The following EML4 variants were observed in gnomAD, a reference collection of about 807,000 sequenced individuals.
EML4 encodes echinoderm microtubule-associated protein-like 4.
A neutral mutation model predicts 129.0 loss-of-function variants in EML4; 72 were observed. The observed-to-expected ratio is 0.56, with a 90% CI of 0.46 to 0.68. EML4 has a LOEUF of 0.68. EML4 is among the 30% of genes least tolerant of loss of function. The pLI is 0.00. For missense variants in EML4, 1,363 were observed against 1,190.6 expected (o/e 1.14, Z -2.13); for synonymous variants, 532 against 405.0 (o/e 1.31, Z -3.77).
Position 42,169,581 on chromosome 2 carries a change from T to TG in EML4, c.-31_-30insG. Reference sequence around the variant, plus strand: ...CCGCTGAATGAAGTGCCCGCCCCTCTAAGCCCGGAGCCCGGCGCTTTCCCC... The same window carrying TG: ...CCGCTGAATGAAGTGCCCGCCCCTCTGAAGCCCGGAGCCCGGCGCTTTCCCC... On this transcript the variant is annotated 5_prime_UTR_variant, in exon 1 of 23. An upstream open reading frame in the 5' UTR loses its in-frame stop. Transcript: ENST00000318522. 9 of 1,597,544 alleles carry TG rather than the reference T, an allele frequency of 5.6e-6. No homozygotes were observed. The highest frequency in any genetic ancestry group is 7.7e-6 in the Non-Finnish European group (9 of 1,174,556).
In EML4 at chr2:42,304,577, A is replaced by T. The variant is rs78136114; in HGVS notation, c.1967+26A>T. The T allele has an allele frequency of 5.1e-6, 8 of 1,557,274 alleles. No individual in the cohort carries two copies. In the East Asian group the frequency reaches 1.6e-4, roughly 31 times the overall value. On this transcript the variant is annotated intron_variant, in intron 17 of 22. Transcript: ENST00000318522. Reference sequence around the variant, plus strand: ...GTAGGGTCTTTAAGTGAACTGAGTAATCTGAAGTGGTGGGATGTTTAAATG... The same window carrying T: ...GTAGGGTCTTTAAGTGAACTGAGTATTCTGAAGTGGTGGGATGTTTAAATG...
chr2:42,328,825 T>C (rs1488375498), intron 21 of EML4, 61 bp from the exon 22 acceptor site: 11 of 1,337,088 alleles, frequency 8.2e-6, no homozygotes, highest in Non-Finnish European at 1.1e-5. Context: ...TAAACATATA[T>C]AGCATCACAG....
intron 1 of EML4, among the ~76,000 whole-genome samples, chr2:42,209,141 A>C (rs1672735351): frequency 6.6e-6 from 1 of 152,222 alleles, no homozygotes; most frequent in African/African-American, 2.4e-5. Context: ...AAAATCACTA[A>C]TATGATACTA....
rs533631893 is a variant in EML4 at position 42,286,700 on chromosome 2, A to G, written c.1122+321A>G. On this transcript the variant is annotated intron_variant, in intron 10 of 22. Transcript: ENST00000318522. ...CATAGTACAATTTCAGACAAGCAAT[A>G]GGATGCATTTTTGCCTTACCTTGAA... Among the ~76,000 whole-genome samples, 3 of 152,358 alleles carry G rather than the reference A, an allele frequency of 2.0e-5. No homozygotes were observed. In the East Asian group the frequency reaches 5.8e-4, roughly 29 times the overall value.
rs529266999 is a variant in EML4 at position 42,197,111 on chromosome 2, C to T, written c.25+27475C>T. On this transcript the variant is annotated intron_variant, in intron 1 of 22. Transcript: ENST00000318522. ...TTGAGACAGGGTCGCACTCTGTCAC[C>T]CAGGCTGAAGTGCAGTGGTGCGATC... Among the ~76,000 whole-genome samples the T allele has an allele frequency of 2.0e-5, 3 of 152,176 alleles. No homozygotes were observed. The South Asian group carries it at 6.2e-4, about 32-fold the overall frequency.
intron 1 of EML4, among the ~76,000 whole-genome samples, chr2:42,209,668 G>A (rs745582105): frequency 2.0e-5 from 3 of 152,124 alleles, no homozygotes; most frequent in Non-Finnish European, 4.4e-5. Flanking sequence ...GGTGGCTCAC[G>A]CCTGCAATCC....
intron 13 of EML4, among the ~76,000 whole-genome samples, chr2:42,299,566 G>A (rs1668161999): frequency 1.3e-5 from 2 of 152,078 alleles, no homozygotes; most frequent in Admixed American, 6.6e-5. Context: ...CAGCCCCTAG[G>A]TAACCACCAA....
chr2:42,170,864 A>G (rs945671414), intron 1 of EML4, among the ~76,000 whole-genome samples: 12 of 152,282 alleles, frequency 7.9e-5, no homozygotes, highest in African/African-American at 2.9e-4. Flanking sequence ...TCCAGATAAT[A>G]TCGAGATGAG....
chr2:42,268,981 A>G (rs560628239), intron 6 of EML4, among the ~76,000 whole-genome samples: 53 of 152,332 alleles, frequency 3.5e-4, no homozygotes, highest in African/African-American at 5.5e-4. Context: ...GAAGTCATCA[A>G]TCACTAAATC....
At chr2:42,277,142 G>C (rs548922152) in intron 6 of EML4, among the ~76,000 whole-genome samples, 8 of 152,108 alleles carry the variant, frequency 5.3e-5, no homozygotes, top group African/African-American at 1.9e-4. Flanking sequence ...TCTATTAAAT[G>C]TCTTTTTTAT....
At chr2:42,190,835 A>G (rs533980840) in intron 1 of EML4, among the ~76,000 whole-genome samples, 6 of 152,234 alleles carry the variant, frequency 3.9e-5, no homozygotes, top group Admixed American at 2.6e-4. Context: ...TTATTTATGG[A>G]CACTGAAATT....
At chr2:42,215,758 A>G (rs1410072599) in intron 1 of EML4, among the ~76,000 whole-genome samples, 1 of 152,114 alleles carries the variant, frequency 6.6e-6, no homozygotes. Flanking sequence ...AAATATAAAG[A>G]ATCTTTATTG....
At chr2:42,308,049 C>G (rs1351033451) in intron 17 of EML4, among the ~76,000 whole-genome samples, 1 of 152,190 alleles carries the variant, frequency 6.6e-6, no homozygotes, top group Non-Finnish European at 1.5e-5. Flanking sequence ...TCTTCATGTC[C>G]AGATCTAGAT....
At chr2:42,325,834 G>A (rs574257221) in intron 20 of EML4, among the ~76,000 whole-genome samples, 10 of 151,248 alleles carry the variant, frequency 6.6e-5, no homozygotes, top group African/African-American at 2.4e-4. Flanking sequence ...GGCACATATA[G>A]TAATAAGAAA....
At chr2:42,254,421 G>C (rs1412232303) in intron 2 of EML4, among the ~76,000 whole-genome samples, 1 of 150,332 alleles carries the variant, frequency 6.7e-6, no homozygotes, top group African/African-American at 2.5e-5. Flanking sequence ...TTGTGACATG[G>C]CACTCCAGCC....
At chr2:42,212,717 A>G (rs1672956801) in intron 1 of EML4, among the ~76,000 whole-genome samples, 1 of 152,220 alleles carries the variant, frequency 6.6e-6, no homozygotes, top group Non-Finnish European at 1.5e-5. Flanking sequence ...CCCTTCATGC[A>G]TTTCTATATC....
chr2:42,171,700 A>G (rs1028257948), intron 1 of EML4, among the ~76,000 whole-genome samples: 5 of 152,326 alleles, frequency 3.3e-5, no homozygotes, highest in East Asian at 3.9e-4. Flanking sequence ...AGATATGCCT[A>G]TCAGAGGAAC....
chr2:42,175,206 G>A (rs181812138), intron 1 of EML4, among the ~76,000 whole-genome samples: 56 of 151,648 alleles, frequency 3.7e-4, no homozygotes, highest in African/African-American at 1.2e-3. Context: ...TCTGCCTCCC[G>A]TGTTCAAGCT....
rs199562312 is a variant in EML4 at position 42,169,635 on chromosome 2, C to T, written c.24C>T (p.Leu8=). 5.0e-6 allele frequency: 8 copies of T among 1,602,896 alleles called. No homozygotes were observed. The highest frequency in any genetic ancestry group is 2.7e-5 in the African/African-American group (2 of 74,314). Residue 8 remains leucine, a splice_region_variant and synonymous_variant, in exon 1 of 23, where the codon CTC becomes CTT. Transcript: ENST00000318522. MDGFAGS[L]DDSISAASTS... ...AGATGGACGGTTTCGCCGGCAGTCT[C>T]GGTGAGTACGGCTGGGGAGTCCTGC...
Sources: gnomAD v4.1 joint callset for allele counts (sites outside exome capture counted in the v4.1 genomes callset) on GRCh38, gnomAD v4.1.1 for gene constraint, MANE v1.5 for transcripts, NCBI Gene and HGNC (gene_info 2026-07-23, HGNC 2026-07-21) for gene names.